Variants in SPATA16 observed in about 807,000 individuals in gnomAD.
The protein encoded by SPATA16 is spermatogenesis-associated protein 16.
Under a neutral mutation model 63.3 loss-of-function variants are expected in SPATA16, and 36 were observed. The observed-to-expected ratio is 0.57, with a 90% CI of 0.44 to 0.75. The LOEUF is 0.75. SPATA16 is among the 30% of genes least tolerant of loss of function. The pLI, the probability that SPATA16 is intolerant of heterozygous loss-of-function variation, is 0.00. For synonymous variants in SPATA16, 203 were observed against 216.7 expected (o/e 0.94, Z 0.56); for missense variants, 646 against 679.3 (o/e 0.95, Z 0.54).
chr3:173,103,558 G>A (rs1481541128), intron 2 of SPATA16, among the ~76,000 whole-genome samples: 1 of 152,226 alleles, frequency 6.6e-6, no homozygotes, highest in Non-Finnish European at 1.5e-5. Flanking sequence ...TGTACCTGAG[G>A]GCTTTTGAGC....
rs192368731 is a variant in SPATA16 at position 172,905,056 on chromosome 3, C to T, written c.1587+8605G>A. Among the ~76,000 whole-genome samples, 53 of 152,160 alleles carry T rather than the reference C, an allele frequency of 3.5e-4. No individual in the cohort carries two copies. The East Asian group carries it at 9.7e-3, about 28-fold the overall frequency. ...TAGGAAACTTTCCTCTCCTCCCCAG[C>T]GTGATCAGCAGTAAAAGCACTTAGG... On this transcript the variant is annotated intron_variant, in intron 10 of 10. Coordinates refer to ENST00000351008, the MANE Select transcript of SPATA16 (RefSeq NM_031955.6).
At chr3:173,033,343 G>T (rs887796769) in intron 3 of SPATA16, among the ~76,000 whole-genome samples, 1 of 152,050 alleles carries the variant, frequency 6.6e-6, no homozygotes, top group African/African-American at 2.4e-5. Context: ...TCTGGTAAAA[G>T]CTGTTAGTAA....
intron 6 of SPATA16, among the ~76,000 whole-genome samples, chr3:172,955,866 T>A (rs1733580491): frequency 6.6e-6 from 1 of 152,286 alleles, no homozygotes; most frequent in Non-Finnish European, 1.5e-5. Context: ...CAAGAGATAA[T>A]GAATGTAGAG....
chr3:173,136,142 A>G (rs1054727587), intron 1 of SPATA16, among the ~76,000 whole-genome samples: 27 of 152,162 alleles, frequency 1.8e-4, no homozygotes, highest in East Asian at 5.8e-4. Flanking sequence ...GGGTAAAACC[A>G]CACAAAACAA....
intron 2 of SPATA16, among the ~76,000 whole-genome samples, chr3:173,093,040 A>AACACACACACAC (rs57114377): frequency 4.1e-4 from 58 of 142,648 alleles, no homozygotes; most frequent in African/African-American, 9.6e-4. Context: ...ATGCACCTAA[A>AACACACACACAC]ACACACACAC....
At chr3:172,917,485 CCCCTGGACTGCCTACACCAGAAT>C (rs1335409201) in intron 8 of SPATA16, among the ~76,000 whole-genome samples, 5 of 152,072 alleles carry the variant, frequency 3.3e-5, no homozygotes, top group Non-Finnish European at 1.5e-5. Flanking sequence ...GAGCAGGGGC[CCCCTGGACTGCCTACACCAGAAT>C]CACTATGCTC....
chr3:172,990,962 C>G (rs1194388837), intron 4 of SPATA16, among the ~76,000 whole-genome samples: 4 of 152,058 alleles, frequency 2.6e-5, no homozygotes, highest in Admixed American at 2.6e-4. Context: ...AAAGGAAAAT[C>G]AGTGAGCAGC....
chr3:173,018,624 T>C (rs912039992), intron 4 of SPATA16, among the ~76,000 whole-genome samples: 7 of 152,092 alleles, frequency 4.6e-5, no homozygotes, highest in African/African-American at 1.4e-4. Flanking sequence ...ATGTCAAAGA[T>C]AGTATTATTT....
At chr3:173,026,073 G>A (rs750354346) in intron 3 of SPATA16, among the ~76,000 whole-genome samples, 3 of 151,942 alleles carry the variant, frequency 2.0e-5, no homozygotes, top group Admixed American at 6.6e-5. Flanking sequence ...TTGCATCGTC[G>A]CCAGAACTGG....
intron 3 of SPATA16, among the ~76,000 whole-genome samples, chr3:173,037,217 T>G (rs549534894): frequency 1.3e-5 from 2 of 152,146 alleles, no homozygotes; most frequent in Non-Finnish European, 2.9e-5. Context: ...CTTTTTGCCC[T>G]CCTTCCTAAG....
At chr3:172,940,664 T>C (rs1733123306) in intron 6 of SPATA16, among the ~76,000 whole-genome samples, 1 of 152,148 alleles carries the variant, frequency 6.6e-6, no homozygotes, top group African/African-American at 2.4e-5. Context: ...AACTTGAACA[T>C]GTACCTCTGA....
At chr3:173,091,528 C>T (rs1237176179) in intron 2 of SPATA16, among the ~76,000 whole-genome samples, 1 of 151,860 alleles carries the variant, frequency 6.6e-6, no homozygotes, top group African/African-American at 2.4e-5. Context: ...TATTTGTTTC[C>T]TCATTGTAAA....
At chr3:172,995,886 A>G (rs999572360) in intron 4 of SPATA16, among the ~76,000 whole-genome samples, 1 of 152,156 alleles carries the variant, frequency 6.6e-6, no homozygotes, top group Non-Finnish European at 1.5e-5. Flanking sequence ...AGTACTACAC[A>G]ATTAACAAAA....
At chr3:173,077,561 TG>T in intron 2 of SPATA16, among the ~76,000 whole-genome samples, 1 of 152,268 alleles carries the variant, frequency 6.6e-6, no homozygotes, top group East Asian at 1.9e-4. Context: ...CCAGAGCCGG[TG>T]GTGAGATATA....
intron 4 of SPATA16, among the ~76,000 whole-genome samples, chr3:172,988,723 G>A (rs1325013064): frequency 6.6e-6 from 1 of 152,056 alleles, no homozygotes; most frequent in African/African-American, 2.4e-5. Context: ...TGCAACCTCC[G>A]CCTCCCTGGT....
intron 6 of SPATA16, among the ~76,000 whole-genome samples, chr3:172,929,261 C>T (rs1452028159): frequency 6.6e-6 from 1 of 152,078 alleles, no homozygotes; most frequent in Non-Finnish European, 1.5e-5. Context: ...CATGTGTGAA[C>T]AGCTCCAAAT....
chr3:172,965,818 C>T (rs941713972), intron 5 of SPATA16, among the ~76,000 whole-genome samples: 2 of 152,044 alleles, frequency 1.3e-5, no homozygotes, highest in Non-Finnish European at 2.9e-5. Flanking sequence ...CCTTGTGATC[C>T]GCCCGCCTAG....
At chr3:172,956,571 T>C in intron 6 of SPATA16, 106 bp downstream of exon 6, 2 of 1,254,204 alleles carry the variant, frequency 1.6e-6, no homozygotes, top group South Asian at 2.8e-5. Context: ...ATGAAAACAG[T>C]GTACTCCTAA....
Position 173,117,530 on chromosome 3 carries a change from C to A in SPATA16, c.202G>T (p.Gly68Cys), listed in dbSNP as rs772791061. ...ITLERTKMTK[G>C]IKEKQSNDLE... Reference sequence around the variant, plus strand: ...TCATTGCTTTGTTTTTCTTTGATGCCCTTTGTCATTTTTGTTCTTTCAAGT... The same window carrying A: ...TCATTGCTTTGTTTTTCTTTGATGCACTTTGTCATTTTTGTTCTTTCAAGT... The change falls in exon 2 of 11, where the codon GGC becomes TGC. Residue 68 changes from glycine (G) to cysteine (C), a missense_variant. By Grantham distance (159) the Gly-to-Cys change is radical. Transcript: ENST00000351008. 1.9e-6 allele frequency: 3 copies of A among 1,613,942 alleles called. No homozygotes were observed. Among genetic ancestry groups the A allele is most frequent in the Non-Finnish European group, 2.5e-6 (3 of 1,179,978 alleles).
Sources: gnomAD v4.1 joint callset for allele counts (sites outside exome capture counted in the v4.1 genomes callset) on GRCh38, gnomAD v4.1.1 for gene constraint, MANE v1.5 for transcripts, NCBI Gene and HGNC (gene_info 2026-07-23, HGNC 2026-07-21) for gene names.